Variants in SDK1 observed in about 807,000 individuals in gnomAD.
SDK1 encodes protein sidekick-1.
Under a neutral mutation model 245.5 loss-of-function variants are expected in SDK1, and 157 were observed. The ratio of observed to expected loss-of-function variants is 0.64; its 90% CI spans 0.56 to 0.73. The LOEUF (loss-of-function observed/expected upper bound fraction) is 0.73, where lower values mean the gene tolerates loss of function less well. Among genes scored for constraint, SDK1 ranks in the 30% least tolerant of loss-of-function variants. The pLI, the probability that SDK1 is intolerant of heterozygous loss-of-function variation, is 0.00. For missense variants in SDK1, 3,583 were observed against 3,002.3 expected (o/e 1.19, Z -4.52); for synonymous variants, 1,647 against 1,278.5 (o/e 1.29, Z -6.15).
rs971981645 is a variant in SDK1 at position 4,265,815 on chromosome 7, G to C, written c.*431G>C. On this transcript the variant is annotated 3_prime_UTR_variant, in exon 45 of 45. Coordinates refer to ENST00000404826, the MANE Select transcript of SDK1 (RefSeq NM_152744.4). Reference sequence around the variant, plus strand: ...GTCTCTTTCTACCTCCTCTTCCAGAGAACCAGCGGCTCACACCCTTCTCAA... The same window carrying C: ...GTCTCTTTCTACCTCCTCTTCCAGACAACCAGCGGCTCACACCCTTCTCAA... 1 of 1,000,794 alleles carries C rather than the reference G, an allele frequency of 1.0e-6. No individual in the cohort carries two copies. Among genetic ancestry groups the C allele is most frequent in the Non-Finnish European group, 1.2e-6 (1 of 841,434 alleles). 62.0% of individuals were successfully genotyped at this position (1,000,794 alleles called of 1,614,324 possible). A position where few individuals can be genotyped will look rare whatever the true frequency, so the allele number is the denominator to read the frequency against.
chr7:4,144,363 C>G (rs895857618), intron 28 of SDK1, among the ~76,000 whole-genome samples: 2 of 152,142 alleles, frequency 1.3e-5, no homozygotes, highest in Non-Finnish European at 2.9e-5. Context: ...CTCTGGGGGC[C>G]TAAGTTCAGG....
intron 4 of SDK1, among the ~76,000 whole-genome samples, chr7:3,655,058 T>TG (rs1159126127): frequency 6.6e-6 from 1 of 151,624 alleles, no homozygotes; most frequent in African/African-American, 2.4e-5. Flanking sequence ...GCTTTTTTTT[T>TG]TTTTGGCTCT....
intron 1 of SDK1, among the ~76,000 whole-genome samples, chr7:3,463,827 G>T (rs1780907390): frequency 6.6e-6 from 1 of 152,134 alleles, no homozygotes; most frequent in Non-Finnish European, 1.5e-5. Context: ...GCCATAGGAG[G>T]AGGGTCTAAT....
At chr7:3,818,027 C>T (rs149047770) in intron 4 of SDK1, among the ~76,000 whole-genome samples, 1 of 152,218 alleles carries the variant, frequency 6.6e-6, no homozygotes, top group African/African-American at 2.4e-5. Flanking sequence ...TATGATGTAG[C>T]AGTGTCTTCT....
intron 2 of SDK1, among the ~76,000 whole-genome samples, chr7:3,630,923 G>A (rs1583248032): frequency 6.6e-6 from 1 of 151,922 alleles, no homozygotes; most frequent in African/African-American, 2.4e-5. Flanking sequence ...CTGTGGGGAA[G>A]ATTTCTCTAC....
intron 41 of SDK1, among the ~76,000 whole-genome samples, chr7:4,236,280 C>T (rs1464555342): frequency 2.0e-5 from 3 of 152,214 alleles, no homozygotes; most frequent in African/African-American, 7.2e-5. Context: ...CCATGGAAGG[C>T]CCTGAATGGG....
chr7:3,995,263 C>G (rs1363773293), intron 14 of SDK1, among the ~76,000 whole-genome samples: 1 of 152,220 alleles, frequency 6.6e-6, no homozygotes, highest in Non-Finnish European at 1.5e-5. Flanking sequence ...TCGCCCTGAT[C>G]CTGTCCCCCT....
At chr7:3,661,696 A>G (rs1783361462) in intron 4 of SDK1, among the ~76,000 whole-genome samples, 1 of 152,192 alleles carries the variant, frequency 6.6e-6, no homozygotes, top group Non-Finnish European at 1.5e-5. Flanking sequence ...AGGAATATAT[A>G]TGATTTGGAA....
At chr7:4,230,216 T>C (rs1202034046) in intron 40 of SDK1, among the ~76,000 whole-genome samples, 1 of 148,144 alleles carries the variant, frequency 6.8e-6, no homozygotes, top group Non-Finnish European at 1.5e-5. Flanking sequence ...AGTAGATGTG[T>C]GGATGGATGG....
In SDK1 at chr7:3,836,175, G is replaced by A. The variant is rs532480734; in HGVS notation, c.847+14592G>A. Among the ~76,000 whole-genome samples the A allele has an allele frequency of 2.0e-5, 3 of 152,312 alleles. No homozygotes were observed. In the South Asian group the frequency reaches 6.2e-4, roughly 32 times the overall value. On this transcript the variant is annotated intron_variant, in intron 5 of 44. Coordinates refer to ENST00000404826, the MANE Select transcript of SDK1 (RefSeq NM_152744.4). The stretch of plus-strand genomic sequence containing the variant: ...ATGAGCCACGTGGAATAACACTCGT[G>A]TTCATGTTTTGCAAGCTCAACATGT...
At chr7:3,864,871 G>T (rs1780782894) in intron 5 of SDK1, among the ~76,000 whole-genome samples, 1 of 152,184 alleles carries the variant, frequency 6.6e-6, no homozygotes, top group South Asian at 2.1e-4. Context: ...AGTGACGATA[G>T]TGCATTCTCT....
intron 1 of SDK1, among the ~76,000 whole-genome samples, chr7:3,612,207 C>T (rs1781616377): frequency 6.6e-6 from 1 of 152,100 alleles, no homozygotes. Context: ...CTCGTGTAAC[C>T]AAACACCACC....
chr7:4,130,310 T>C (rs1428998246), intron 27 of SDK1: 6 of 587,310 alleles, frequency 1.0e-5, no homozygotes, highest in Admixed American at 3.3e-5. Flanking sequence ...ATTATGAACC[T>C]GTACTGAGTT....
At chr7:3,744,191 A>T (rs1779551961) in intron 4 of SDK1, among the ~76,000 whole-genome samples, 1 of 151,922 alleles carries the variant, frequency 6.6e-6, no homozygotes, top group Non-Finnish European at 1.5e-5. Context: ...TTGGTTTCTC[A>T]AATGCCATCT....
intron 1 of SDK1, among the ~76,000 whole-genome samples, chr7:3,437,455 A>G (rs1780062024): frequency 6.6e-6 from 1 of 152,172 alleles, no homozygotes; most frequent in African/African-American, 2.4e-5. Context: ...GTAATCCTCT[A>G]TTTCATGTGC....
At chr7:3,631,301 C>G (rs1275951215) in intron 2 of SDK1, among the ~76,000 whole-genome samples, 1 of 152,120 alleles carries the variant, frequency 6.6e-6, no homozygotes, top group African/African-American at 2.4e-5. Context: ...AGAAGAAAGT[C>G]TATTATATTT....
intron 30 of SDK1, among the ~76,000 whole-genome samples, chr7:4,157,340 GGGAA>G (rs879770288): frequency 0.24 from 33,777 of 143,220 alleles, 5,554 homozygotes; most frequent in African/African-American, 0.4. Context: ...AGGGAGAGAA[GGGAA>G]GAAGGAAGGA....
chr7:4,264,932 G>C (rs1788358019), intron 44 of SDK1, among the ~76,000 whole-genome samples, 192 bp from the exon 45 acceptor site: 1 of 152,076 alleles, frequency 6.6e-6, no homozygotes. Context: ...GGATCAGGGA[G>C]GGGGACCTGG....
chr7:3,443,764 A>T (rs2128589369), intron 1 of SDK1, among the ~76,000 whole-genome samples: 1 of 152,306 alleles, frequency 6.6e-6, no homozygotes. Context: ...GGTGGTCAGC[A>T]GCGTAATGGC....
Sources: gnomAD v4.1 joint callset for allele counts (sites outside exome capture counted in the v4.1 genomes callset) on GRCh38, gnomAD v4.1.1 for gene constraint, MANE v1.5 for transcripts, NCBI Gene and HGNC (gene_info 2026-07-23, HGNC 2026-07-21) for gene names.